The following EIF4H variants were observed in gnomAD, a reference collection of about 807,000 sequenced individuals.
EIF4H encodes the protein Williams-Beuren syndrome chromosome region 1.
A neutral mutation model predicts 30.6 loss-of-function variants in EIF4H; 8 were observed. The ratio of observed to expected loss-of-function variants is 0.26; its 90% CI spans 0.15 to 0.47. The LOEUF is 0.47. Among genes scored for constraint, EIF4H ranks in the 20% least tolerant of loss-of-function variants. The pLI is 0.99. For missense variants in EIF4H, 188 were observed against 339.5 expected (o/e 0.55, Z 3.51); for synonymous variants, 106 against 122.7 (o/e 0.86, Z 0.90).
At chr7:74,179,224 G>A (rs1296824688) in intron 1 of EIF4H, among the ~76,000 whole-genome samples, 1 of 152,106 alleles carries the variant, frequency 6.6e-6, no homozygotes, top group Non-Finnish European at 1.5e-5. Flanking sequence ...AAATAATTCT[G>A]GATATTCATA....
chr7:74,193,474 GTTC>G (rs1554710260), intron 5 of EIF4H, among the ~76,000 whole-genome samples: 1 of 152,154 alleles, frequency 6.6e-6, no homozygotes, highest in African/African-American at 2.4e-5. Context: ...GGCTCTGGGG[GTTC>G]TTCTCAAAGA....
chr7:74,190,095 G>GT, intron 4 of EIF4H, 152 bp from the exon 5 acceptor site: 2 of 1,122,156 alleles, frequency 1.8e-6, no homozygotes, highest in East Asian at 2.6e-5. Context: ...CAAGCCTGGC[G>GT]TTTTTTGTTT....
Position 74,194,819 on chromosome 7 carries a change from G to A in EIF4H, c.548G>A (p.Arg183His), listed in dbSNP as rs1554710467. The A allele has an allele frequency of 2.5e-6, 4 of 1,605,300 alleles. No individual in the cohort carries two copies. Among genetic ancestry groups the A allele is most frequent in the Middle Eastern group, 1.7e-4 (1 of 6,044 alleles). The change falls in exon 6 of 7, where the codon CGC becomes CAC. Residue 183 changes from arginine to histidine, a missense_variant. Transcript: ENST00000265753. ...CGAACAGGCCCCCCCATGGGCAGCC[G>A]CTTCAGAGATGGCCCTCCCCTCCGT... ...DRRTGPPMGSRFRDGPPLRGS... is the reference protein window; with the variant it reads ...DRRTGPPMGSHFRDGPPLRGS...
At position 74,196,572 on chromosome 7, in the gene EIF4H, G is replaced by GT. The variant is rs1554710806; in HGVS notation, c.*1265dup. 2.0e-5 allele frequency: 3 copies of GT among 151,938 alleles called. No homozygotes were observed. The highest frequency in any genetic ancestry group is 4.4e-5 in the Non-Finnish European group (3 of 67,996). 9.4% of individuals were successfully genotyped at this position (151,938 alleles called of 1,614,324 possible). A position where few individuals can be genotyped will look rare whatever the true frequency, so the allele number is the denominator to read the frequency against. ...GTGTGAACAGATGAAAAATCCTTCA[G>GT]TACCCAAGTCCCAGTCTGTCCTATG... is the stretch of plus-strand genomic sequence containing the variant. On this transcript the variant is annotated 3_prime_UTR_variant, in exon 7 of 7. Transcript: ENST00000265753.
At chr7:74,178,918 G>A (rs533897993) in intron 1 of EIF4H, among the ~76,000 whole-genome samples, 94 of 152,180 alleles carry the variant, frequency 6.2e-4, no homozygotes, top group Non-Finnish European at 1.3e-3. Context: ...CAAGTATGTG[G>A]CTGCTCCACG....
At chr7:74,176,106 T>G (rs1279482125) in intron 1 of EIF4H, among the ~76,000 whole-genome samples, 2 of 152,238 alleles carry the variant, frequency 1.3e-5, no homozygotes, top group African/African-American at 4.8e-5. Flanking sequence ...GTTAAGCATC[T>G]TCTATGTCTC....
intron 5 of EIF4H, among the ~76,000 whole-genome samples, chr7:74,194,257 G>C (rs1024967514): frequency 1.3e-5 from 2 of 152,208 alleles, no homozygotes; most frequent in African/African-American, 4.8e-5. Context: ...GCCAAAACAG[G>C]AAAATTGGGA....
At chr7:74,175,135 G>C (rs79060675) in intron 1 of EIF4H, among the ~76,000 whole-genome samples, 2 of 152,336 alleles carry the variant, frequency 1.3e-5, no homozygotes, top group East Asian at 1.9e-4. Flanking sequence ...TTCTCGCTCT[G>C]ATCTGGAGAA....
chr7:74,189,631 C>G, intron 2 of EIF4H, 42 bp from the exon 3 acceptor site: 3 of 1,609,140 alleles, frequency 1.9e-6, no homozygotes, highest in Non-Finnish European at 2.5e-6. Flanking sequence ...ATCTTTAACC[C>G]AGAATTACTT....
rs1801160485 is a variant in EIF4H at position 74,189,683 on chromosome 7, T to C, written c.258T>C (p.Tyr86=). 6.2e-7 allele frequency: 1 copy of C among 1,613,972 alleles called. No individual in the cohort carries two copies. Among genetic ancestry groups the C allele is most frequent in the South Asian group, 1.1e-5 (1 of 91,068 alleles). ...TCTTTTCTTTTCCAGGATTCTGCTA[T>C]GTAGAATTCGATGAAGTGGATTCCC... ...KDTDKFKGFC[Y]VEFDEVDSLK... The change falls in exon 3 of 7, where the codon TAT becomes TAC. Residue 86 remains tyrosine, a synonymous_variant. Transcript: ENST00000265753.
intron 5 of EIF4H, 73 bp from the exon 6 acceptor site, chr7:74,194,668 C>A: frequency 6.9e-7 from 1 of 1,459,104 alleles, no homozygotes; most frequent in Non-Finnish European, 9.1e-7. Flanking sequence ...CAAACAATTC[C>A]CAGAACATTA....
At chr7:74,195,026 C>G in intron 6 of EIF4H, 143 bp from the exon 7 acceptor site, 1 of 1,509,176 alleles carries the variant, frequency 6.6e-7, no homozygotes, top group East Asian at 2.3e-5. Context: ...TCACCTTGGT[C>G]ATTAGAGCAT....
intron 1 of EIF4H, among the ~76,000 whole-genome samples, chr7:74,179,648 A>AAAAAG (rs1554708149): frequency 6.6e-6 from 1 of 150,392 alleles, no homozygotes; most frequent in Non-Finnish European, 1.5e-5. Flanking sequence ...AAAAAAAAAA[A>AAAAAG]GTCACTTTAT....
chr7:74,175,902 G>T (rs1338973504), intron 1 of EIF4H, among the ~76,000 whole-genome samples: 3 of 152,074 alleles, frequency 2.0e-5, no homozygotes, highest in South Asian at 2.1e-4. Context: ...AGCTCTTCTG[G>T]TGTCAAATTT....
At chr7:74,195,141 C>G in intron 6 of EIF4H, 28 bp from the exon 7 acceptor site, 1 of 1,612,300 alleles carries the variant, frequency 6.2e-7, no homozygotes, top group South Asian at 1.1e-5. Context: ...GATCCACACT[C>G]TGACAAACTC....
intron 5 of EIF4H, among the ~76,000 whole-genome samples, chr7:74,192,667 ACTTTTTTTTTTTT>A (rs1563955213): frequency 8.3e-6 from 1 of 120,312 alleles, no homozygotes; most frequent in African/African-American, 3.3e-5. Context: ...GCTTTATGTG[ACTTTTTTTTTTTT>A]CTTTTTTTTT....
chr7:74,189,127 A>G (rs1320021951), intron 2 of EIF4H, among the ~76,000 whole-genome samples: 1 of 152,166 alleles, frequency 6.6e-6, no homozygotes, highest in African/African-American at 2.4e-5. Context: ...GGCATCAGGG[A>G]CACAGGTTGT....
At chr7:74,175,411 T>C (rs1800815106) in intron 1 of EIF4H, among the ~76,000 whole-genome samples, 1 of 152,206 alleles carries the variant, frequency 6.6e-6, no homozygotes, top group African/African-American at 2.4e-5. Flanking sequence ...ACCACAATAA[T>C]ACACACTGAG....
chr7:74,187,402 G>T (rs1455438948), intron 1 of EIF4H, among the ~76,000 whole-genome samples: 1 of 152,190 alleles, frequency 6.6e-6, no homozygotes, highest in Non-Finnish European at 1.5e-5. Context: ...CTGCACTCCA[G>T]CCTGGGTGAC....
Sources: allele counts gnomAD v4.1 joint callset (sites outside exome capture counted in the v4.1 genomes callset), GRCh38; gene constraint gnomAD v4.1.1; transcripts MANE v1.5; gene names NCBI Gene and HGNC (gene_info 2026-07-23, HGNC 2026-07-21).